The following FAM72D variants were observed in gnomAD, a reference collection of about 807,000 sequenced individuals.
FAM72D encodes RUMY family member 4, also known as protein FAM72D.
For missense variants in FAM72D, 9 were observed against 104.7 expected (o/e 0.09, Z 3.99); for synonymous variants, 4 against 35.1 (o/e 0.11, Z 3.13).
intron 3 of FAM72D, among the ~76,000 whole-genome samples, chr1:145,105,904 A>T (rs1654900581): frequency 6.8e-6 from 1 of 146,160 alleles, no homozygotes. Flanking sequence ...GTGAGCCAAG[A>T]TCACGCCATT....
At chr1:145,105,582 T>C (rs1182138547) in intron 3 of FAM72D, among the ~76,000 whole-genome samples, 1 of 145,606 alleles carries the variant, frequency 6.9e-6, no homozygotes, top group Non-Finnish European at 1.5e-5. Flanking sequence ...GAAGAATCAC[T>C]TGAACCCAGG....
At chr1:145,101,234 A>G (rs1374700710) in intron 2 of FAM72D, among the ~76,000 whole-genome samples, 1 of 139,118 alleles carries the variant, frequency 7.2e-6, no homozygotes. Context: ...GAGCCACCGC[A>G]CCCGAAGAAC....
At chr1:145,102,747 C>CT (rs1553638092) in intron 2 of FAM72D, among the ~76,000 whole-genome samples, 1 of 114,998 alleles carries the variant, frequency 8.7e-6, no homozygotes, top group African/African-American at 3.1e-5. Flanking sequence ...AACTCGGTCT[C>CT]AATAATAATA....
chr1:145,100,735 G>T (rs9697678), intron 2 of FAM72D, among the ~76,000 whole-genome samples: 1 of 149,300 alleles, frequency 6.7e-6, no homozygotes, highest in Non-Finnish European at 1.5e-5. Context: ...CAGGCAGTCC[G>T]CCTGCCTTGG....
chr1:145,105,778 C>T lies in FAM72D; in HGVS notation c.355+2647C>T, dbSNP rs1241595841. Reference sequence around the variant, plus strand: ...GACCAGCCTGACCAACATGGAGAAACCCCGTCTCTACTAAAAATACAAAAT... The same window carrying T: ...GACCAGCCTGACCAACATGGAGAAATCCCGTCTCTACTAAAAATACAAAAT... On this transcript the variant is annotated intron_variant, in intron 3 of 3. Transcript: ENST00000400889. 2.6e-4 allele frequency among the ~76,000 whole-genome samples: 39 copies of T among 148,596 alleles called. 4 individuals carry two copies. The highest frequency in any genetic ancestry group is 9.7e-4 in the African/African-American group (39 of 40,128).
At chr1:145,100,961 A>G (rs2102540760) in intron 2 of FAM72D, among the ~76,000 whole-genome samples, 2 of 148,966 alleles carry the variant, frequency 1.3e-5, no homozygotes, top group East Asian at 4.0e-4. Flanking sequence ...TTTTGTTTTG[A>G]GACGGAGTCT....
At chr1:145,097,224 G>A (rs1301697328) in intron 1 of FAM72D, among the ~76,000 whole-genome samples, 1 of 139,632 alleles carries the variant, frequency 7.2e-6, no homozygotes, top group Admixed American at 6.8e-5. Flanking sequence ...TTCAATTGCA[G>A]TCATGCGACC....
rs587597794 is a variant in FAM72D, at chr1:145,101,114, G to A, written c.231-1893G>A. Among the ~76,000 whole-genome samples, 79 of 147,418 alleles carry A rather than the reference G, an allele frequency of 5.4e-4. No individual in the cohort carries two copies. In the South Asian group the frequency reaches 0.012, roughly 22 times the overall value. ...ATGCCACCATGCCCAGTTAATTTTC[G>A]TATTTTTAGTAGAGGTGGGGTTTCG... On this transcript the variant is annotated intron_variant, in intron 2 of 3. Coordinates refer to ENST00000400889, the MANE Select transcript of FAM72D (RefSeq NM_207418.3).
chr1:145,097,218 AT>A (rs1379118541), intron 1 of FAM72D, among the ~76,000 whole-genome samples: 1 of 140,406 alleles, frequency 7.1e-6, no homozygotes, highest in Non-Finnish European at 1.5e-5. Context: ...TTCTAGTTCA[AT>A]TGCAGTCATG....
intron 2 of FAM72D, 128 bp from the exon 3 acceptor site, chr1:145,102,879 A>AG: frequency 5.2e-6 from 1 of 193,444 alleles, no homozygotes; most frequent in South Asian, 8.6e-5. Context: ...CCCATCCCAA[A>AG]GATCTCAGCA....
chr1:145,102,039 A>C (rs1654732752), intron 2 of FAM72D, among the ~76,000 whole-genome samples: 1 of 128,036 alleles, frequency 7.8e-6, no homozygotes, highest in African/African-American at 3.3e-5. Flanking sequence ...CTGTAGGTTC[A>C]CTCTATTTAA....
intron 3 of FAM72D, among the ~76,000 whole-genome samples, chr1:145,107,354 T>C (rs1443790071): frequency 8.0e-6 from 1 of 125,726 alleles, no homozygotes; most frequent in Non-Finnish European, 1.7e-5. Context: ...CAAGCGATTC[T>C]CGTGCCTCAG....
In FAM72D at chr1:145,107,238, T is replaced by C. The variant is rs1243161788; in HGVS notation, c.355+4107T>C. Among the ~76,000 whole-genome samples the C allele has an allele frequency of 1.2e-4, 18 of 147,622 alleles. 2 individuals are homozygous for C. Among genetic ancestry groups the C allele is most frequent in the Admixed American group, 6.0e-4 (9 of 14,942 alleles). On this transcript the variant is annotated intron_variant, in intron 3 of 3. Coordinates refer to ENST00000400889, the MANE Select transcript of FAM72D (RefSeq NM_207418.3). ...GTGTTAAGGTGCTGAGGCACTGAAA[T>C]ACTAATTCTTTTTTTTTTTTTTTTG...
intron 3 of FAM72D, among the ~76,000 whole-genome samples, chr1:145,104,306 G>A (rs1429759877): frequency 7.0e-6 from 1 of 142,856 alleles, no homozygotes; most frequent in Admixed American, 6.9e-5. Flanking sequence ...GGATGGCTGT[G>A]GCAGTTTCTT....
chr1:145,100,086 CTTA>C (rs1654628322), intron 2 of FAM72D, among the ~76,000 whole-genome samples: 3 of 143,846 alleles, frequency 2.1e-5, no homozygotes, highest in African/African-American at 7.9e-5. Context: ...GCCATTCTGT[CTTA>C]TTAAGATAGA....
At chr1:145,095,003 G>A, upstream of FAM72D, 4 of 1,540,822 alleles carry the variant, frequency 2.6e-6, no homozygotes, top group Non-Finnish European at 3.5e-6. Flanking sequence ...GTACAGTGAT[G>A]GGCGGAGAGA....
chr1:145,104,165 A>G (rs1553638240), intron 3 of FAM72D, among the ~76,000 whole-genome samples: 1 of 149,552 alleles, frequency 6.7e-6, no homozygotes, highest in Non-Finnish European at 1.5e-5. Context: ...AAGAAAAAAA[A>G]AATGCTTTAT....
At chr1:145,108,773 GA>G (rs1167738280) in intron 3 of FAM72D, among the ~76,000 whole-genome samples, 3 of 50,916 alleles carry the variant, frequency 5.9e-5, no homozygotes, top group African/African-American at 1.7e-4. Context: ...ATTTTTCAAA[GA>G]TAAAAGCCCC....
Position 145,112,283 on chromosome 1 carries a change from A to C in FAM72D, c.*686A>C, listed in dbSNP as rs1465642958. 5 of 150,398 alleles carry C rather than the reference A, an allele frequency of 3.3e-5. No homozygotes were observed. The highest frequency in any genetic ancestry group is 9.8e-5 in the African/African-American group (4 of 40,770). 9.3% of individuals were successfully genotyped at this position (150,398 alleles called of 1,614,324 possible). A position where few individuals can be genotyped will look rare whatever the true frequency, so the allele number is the denominator to read the frequency against. ...TATTGTATTATGAGAGCTAAACCTAAATAAGTTATCCTGTTCCCTAGGACC... is the reference window on the plus strand; with the variant it reads ...TATTGTATTATGAGAGCTAAACCTACATAAGTTATCCTGTTCCCTAGGACC... On this transcript the variant is annotated 3_prime_UTR_variant, in exon 4 of 4. Transcript: ENST00000400889.
Sources: allele counts gnomAD v4.1 joint callset (sites outside exome capture counted in the v4.1 genomes callset), GRCh38; gene constraint gnomAD v4.1.1; transcripts MANE v1.5; gene names NCBI Gene and HGNC (gene_info 2026-07-23, HGNC 2026-07-21).